CD72: variants seen among roughly 807,000 people sequenced by gnomAD.
The protein encoded by CD72 is B-cell differentiation antigen CD72.
In CD72, 28 loss-of-function variants were observed where a neutral mutation model predicts 50.7. The observed-to-expected ratio is 0.55, with a 90% CI of 0.41 to 0.76. The LOEUF (loss-of-function observed/expected upper bound fraction) is 0.76, where lower values mean the gene tolerates loss of function less well. CD72 is among the 30% of genes least tolerant of loss of function. CD72 has a pLI of 0.00. For synonymous variants in CD72, 176 were observed against 171.2 expected, an observed-to-expected ratio of 1.03 and a Z score of -0.22; for missense variants, 403 against 420.6, an observed-to-expected ratio of 0.96 and a Z score of 0.37.
intron 2 of CD72, among the ~76,000 whole-genome samples, chr9:35,617,737 C>A (rs544552821): frequency 2.0e-5 from 3 of 152,252 alleles, no homozygotes; most frequent in African/African-American, 7.2e-5. Flanking sequence ...TCCTAAGAAC[C>A]GCCCTCCTCC....
rs1203650414 is a variant in CD72 at position 35,610,763 on chromosome 9, A to G, written c.951-10T>C. ...GCTTTGAGCATAAGTCCTAAAAAGT[A>G]GTAAGGTAGAGCTGGGATATGCTCT... On this transcript the variant is annotated splice_polypyrimidine_tract_variant and intron_variant, in intron 7 of 8. Transcript: ENST00000259633. 2 of 1,607,748 alleles carry G rather than the reference A, an allele frequency of 1.2e-6. No homozygotes were observed. The highest frequency in any genetic ancestry group is 1.3e-5 in the African/African-American group (1 of 75,000).
rs1823098735 is a variant in CD72, at chr9:35,618,223, C to G, written c.81G>C (p.Gln27His). Residue 27 changes from glutamine (Q) to histidine (H), a missense_variant and splice_region_variant, in exon 1 of 9, where the codon CAG (glutamine) becomes CAC (histidine). Coordinates refer to ENST00000259633, the MANE Select transcript of CD72 (RefSeq NM_001782.3). Reference sequence around the variant, plus strand: ...AAGGGGAGGCCTCATCCCCCTTACCCTGTCCTAACCGGCTGGAGATGCTCT... The same window carrying G: ...AAGGGGAGGCCTCATCCCCCTTACCGTGTCCTAACCGGCTGGAGATGCTCT... ...LKKSISSRLG[Q>H]DPGADDDGEI... The G allele has an allele frequency of 6.2e-7, 1 of 1,613,946 alleles. No homozygotes were observed. The highest frequency in any genetic ancestry group is 1.7e-5 in the Admixed American group (1 of 60,006).
chr9:35,616,151 G>A lies in CD72; in HGVS notation c.480C>T (p.Ser160=). Reference sequence around the variant, plus strand: ...CCTGACTCTGCGCCAGCTCTCTCCTGGACCCCTGCAGATCCTCTGCACTCT... The same window carrying A: ...CCTGACTCTGCGCCAGCTCTCTCCTAGACCCCTGCAGATCCTCTGCACTCT... ...LGQSAEDLQG[S]RRELAQSQEA... Residue 160 remains serine (S), a synonymous_variant, in exon 5 of 9, where the codon TCC becomes TCT. Coordinates refer to ENST00000259633, the MANE Select transcript of CD72 (RefSeq NM_001782.3). The A allele has an allele frequency of 1.2e-6, 2 of 1,614,078 alleles. No individual in the cohort carries two copies. The highest frequency in any genetic ancestry group is 1.7e-6 in the Non-Finnish European group (2 of 1,180,038).
At chr9:35,611,075 C>A (rs1038077991) in intron 7 of CD72, among the ~76,000 whole-genome samples, 1 of 152,272 alleles carries the variant, frequency 6.6e-6, no homozygotes, top group East Asian at 1.9e-4. Context: ...CACGGTGAAA[C>A]CCCGTCTCTA....
At chr9:35,619,222 C>T (rs575351714), upstream of CD72, among the ~76,000 whole-genome samples, 13 of 152,182 alleles carry the variant, frequency 8.5e-5, no homozygotes, top group African/African-American at 3.1e-4. Flanking sequence ...CCAGGGACCG[C>T]GAGGCCCTCA....
upstream of CD72, among the ~76,000 whole-genome samples, chr9:35,621,723 G>A (rs141211952): frequency 9.9e-3 from 1,510 of 152,298 alleles, 14 homozygotes; most frequent in Non-Finnish European, 0.015. Context: ...AAAGAGATTC[G>A]GTGAGGGAAG....
chr9:35,636,870 G>C (rs1026650784), intron 1 of CD72, among the ~76,000 whole-genome samples: 1 of 152,178 alleles, frequency 6.6e-6, no homozygotes, highest in African/African-American at 2.4e-5. Context: ...TGACCTGCAC[G>C]GATACATCCA....
At chr9:35,614,873 C>T (rs1823042822) in intron 5 of CD72, among the ~76,000 whole-genome samples, 2 of 151,900 alleles carry the variant, frequency 1.3e-5, no homozygotes, top group South Asian at 2.1e-4. Flanking sequence ...GTGATGGGCT[C>T]CAAACCCATG....
intron 1 of CD72, chr9:35,643,224 C>G (rs541363216): frequency 7.9e-4 from 120 of 152,480 alleles, no homozygotes; most frequent in South Asian, 1.2e-3. Flanking sequence ...TTGGACTGTC[C>G]GACTCACATC....
rs757339870 is a variant in CD72, at chr9:35,616,686, C to T, written c.266G>A (p.Arg89His). The change falls in exon 4 of 9, where the codon CGC becomes CAC. Residue 89 changes from arginine (R) to histidine (H), a missense_variant. Transcript: ENST00000259633. ...CAGGAGGTATCGCAGGCAGGTTGTG[C>T]GGCCTTAGGGGGACAGTGGGATGGA... is the stretch of plus-strand genomic sequence containing the variant. ...SPAVGRILPC[R>H]TTCLRYLLLG... The T allele has an allele frequency of 2.5e-6, 4 of 1,612,678 alleles. No individual in the cohort carries two copies. Among genetic ancestry groups the T allele is most frequent in the Non-Finnish European group, 2.5e-6 (3 of 1,179,502 alleles).
chr9:35,637,326 C>G (rs1412963525), intron 1 of CD72, among the ~76,000 whole-genome samples: 1 of 152,216 alleles, frequency 6.6e-6, no homozygotes, highest in African/African-American at 2.4e-5. Flanking sequence ...GGTCTCTTCA[C>G]ACAGACGTGC....
chr9:35,615,840 C>G lies in CD72; in HGVS notation c.688+103G>C, dbSNP rs545017284. Reference sequence around the variant, plus strand: ...CAGCCACCACTCTGGTTCACTGCCCCTTTCCTGAACACCTCACAGGCCCCT... The same window carrying G: ...CAGCCACCACTCTGGTTCACTGCCCGTTTCCTGAACACCTCACAGGCCCCT... On this transcript the variant is annotated intron_variant, in intron 5 of 8. Transcript: ENST00000259633. The G allele has an allele frequency of 1.1e-5, 10 of 913,456 alleles. No individual in the cohort carries two copies. The African/African-American group carries it at 1.5e-4, about 14-fold the overall frequency. The allele number at this position is 913,456 out of a possible 1,614,324, so 56.6% of individuals were successfully genotyped here. A position where few individuals can be genotyped will look rare whatever the true frequency, so the allele number is the denominator to read the frequency against.
upstream of CD72, chr9:35,618,700 T>C (rs917199073): frequency 8.4e-6 from 9 of 1,070,400 alleles, no homozygotes; most frequent in Admixed American, 1.5e-4. Context: ...CTGGCTGCCT[T>C]GTCCACTGGG....
At chr9:35,618,666 G>T, upstream of CD72, 1 of 747,800 alleles carries the variant, frequency 1.3e-6, no homozygotes, top group Non-Finnish European at 2.0e-6. Flanking sequence ...CTGGTTATCT[G>T]CCCTGATCTG....
rs144863051 is a variant in CD72, at chr9:35,629,305, C to A, written n.409-11184G>T. Among the ~76,000 whole-genome samples, 144 of 152,134 alleles carry A rather than the reference C, an allele frequency of 9.5e-4. 1 individual carries two copies. The highest frequency in any genetic ancestry group is 3.3e-3 in the African/African-American group (137 of 41,498). On this transcript the variant is annotated intron_variant and non_coding_transcript_variant, in intron 1 of 3. Transcript: ENST00000465754. Reference sequence around the variant, plus strand: ...GAATCCTTTGTGTATATTTTTCTATCCCCCCAGAATTTTATTTTGAAACAT... The same window carrying A: ...GAATCCTTTGTGTATATTTTTCTATACCCCCAGAATTTTATTTTGAAACAT...
In CD72 at chr9:35,618,022, T is replaced by G; in HGVS notation, c.182A>C (p.Asp61Ala). The part of the protein sequence containing the change: ...PSSLASSVLG[D>A]KAAVKSEQPT... Reference sequence around the variant, plus strand: ...CCCCAGGCTCTCCAGACCTGCTTTGTCCCCTAGTACAGAAGAAGCCAAGCT... The same window carrying G: ...CCCCAGGCTCTCCAGACCTGCTTTGGCCCCTAGTACAGAAGAAGCCAAGCT... Residue 61 changes from aspartate (D) to alanine (A), a missense_variant, in exon 2 of 9, where the codon GAC becomes GCC. Asp to Ala is a moderately radical substitution (Grantham distance 126, BLOSUM62 -2). Transcript: ENST00000259633. 1 of 1,604,524 alleles carries G rather than the reference T, an allele frequency of 6.2e-7. No individual in the cohort carries two copies. The highest frequency in any genetic ancestry group is 1.7e-5 in the Admixed American group (1 of 60,008).
chr9:35,622,719 A>G (rs975298791), upstream of CD72, among the ~76,000 whole-genome samples: 4 of 152,002 alleles, frequency 2.6e-5, no homozygotes, highest in African/African-American at 9.7e-5. Flanking sequence ...CCCGGGAGGC[A>G]GAGGTTGCAG....
intron 1 of CD72, 30 bp downstream of exon 1, chr9:35,618,192 A>G: frequency 6.2e-7 from 1 of 1,608,022 alleles, no homozygotes; most frequent in Non-Finnish European, 8.5e-7. Flanking sequence ...GTGGGGATGC[A>G]GGATCAAGGG....
At chr9:35,614,429 C>T (rs910943367) in intron 5 of CD72, among the ~76,000 whole-genome samples, 2 of 152,130 alleles carry the variant, frequency 1.3e-5, no homozygotes, top group Non-Finnish European at 2.9e-5. Flanking sequence ...GGCAAAAATC[C>T]ATATGGATAT....
Sources: allele counts gnomAD v4.1 joint callset (sites outside exome capture counted in the v4.1 genomes callset), GRCh38; gene constraint gnomAD v4.1.1; transcripts MANE v1.5; gene names NCBI Gene and HGNC (gene_info 2026-07-23, HGNC 2026-07-21).